Variants in MYO3B observed in about 807,000 individuals in gnomAD.
MYO3B encodes myosin-IIIb.
A neutral mutation model predicts 174.6 loss-of-function variants in MYO3B; 156 were observed. That is an observed-to-expected ratio of 0.89 (90% CI 0.78 to 1.02). MYO3B has a LOEUF of 1.02. Ranked by LOEUF, MYO3B falls within the 50% of genes least tolerant of loss-of-function variation. The probability of loss-of-function intolerance (pLI) is 0.00; values close to 1 mark genes in which losing one functional copy is unlikely to be tolerated. For synonymous variants in MYO3B, 563 were observed against 569.1 expected, an observed-to-expected ratio of 0.99 and a Z score of 0.15; for missense variants, 1,632 against 1,639.4, an observed-to-expected ratio of 1.00 and a Z score of 0.08.
intron 24 of MYO3B, among the ~76,000 whole-genome samples, chr2:170,465,229 C>T (rs1561391): frequency 0.85 from 129,875 of 152,002 alleles, 57,771 homozygotes; most frequent in Non-Finnish European, 0.99. Context: ...CTGCAGGCTC[C>T]ACAAGCCTGG....
intron 8 of MYO3B, among the ~76,000 whole-genome samples, chr2:170,356,798 G>A (rs2094125007): frequency 6.6e-6 from 1 of 151,674 alleles, no homozygotes; most frequent in African/African-American, 2.4e-5. Context: ...AATGTTTTAA[G>A]ACAAGGTCTC....
intron 32 of MYO3B, among the ~76,000 whole-genome samples, chr2:170,583,534 TCCA>T (rs1693296774): frequency 6.6e-6 from 1 of 152,196 alleles, no homozygotes; most frequent in African/African-American, 2.4e-5. Context: ...CTCTTAGGGC[TCCA>T]CTTCTATAAT....
chr2:170,405,658 G>C (rs776972607), intron 21 of MYO3B, 25 bp downstream of exon 21: 1 of 1,607,340 alleles, frequency 6.2e-7, no homozygotes, highest in Admixed American at 1.7e-5. Flanking sequence ...ACAGTTATTA[G>C]ACCTGAATTT....
chr2:170,416,119 G>A (rs2105840502), intron 22 of MYO3B, among the ~76,000 whole-genome samples: 1 of 152,274 alleles, frequency 6.6e-6, no homozygotes, highest in African/African-American at 2.4e-5. Context: ...AACACCCTGT[G>A]AAGATGAAAG....
At chr2:170,439,140 A>G (rs2094780011) in intron 22 of MYO3B, among the ~76,000 whole-genome samples, 2 of 148,824 alleles carry the variant, frequency 1.3e-5, no homozygotes, top group Admixed American at 1.3e-4. Flanking sequence ...TGGGAGGCTG[A>G]GGCAGGCGGA....
chr2:170,437,895 A>G (rs952129591), intron 22 of MYO3B, among the ~76,000 whole-genome samples: 37 of 152,246 alleles, frequency 2.4e-4, no homozygotes, highest in African/African-American at 8.4e-4. Flanking sequence ...CATCTTTTTC[A>G]ATGATTAGCA....
In MYO3B at chr2:170,236,018, T is replaced by C. The variant is rs764058317; in HGVS notation, c.631T>C (p.Ser211Pro). ...CATTGCCTGTGAGCAGCAGTATGAC[T>C]CTTCCTATGACGCTCGCTGTGACGT... is the stretch of plus-strand genomic sequence containing the variant. ...EVIACEQQYD[S>P]SYDARCDVWS... is the part of the protein sequence containing the mutation. Residue 211 changes from serine to proline, a missense_variant, in exon 7 of 35, where the codon TCT becomes CCT. Physicochemically the swap from Ser to Pro is moderately conservative, Grantham distance 74 (BLOSUM62 -1). Transcript: ENST00000408978. The C allele has an allele frequency of 4.2e-5, 67 of 1,614,018 alleles. No homozygotes were observed. Among genetic ancestry groups the C allele is most frequent in the Non-Finnish European group, 5.4e-5 (64 of 1,180,034 alleles).
At chr2:170,292,278 T>C (rs187318345) in intron 7 of MYO3B, among the ~76,000 whole-genome samples, 2 of 152,346 alleles carry the variant, frequency 1.3e-5, no homozygotes, top group East Asian at 3.9e-4. Flanking sequence ...TTTCTAAAAT[T>C]ATTTTAATAT....
At chr2:170,445,403 G>A (rs1021117911) in intron 23 of MYO3B, among the ~76,000 whole-genome samples, 9 of 151,420 alleles carry the variant, frequency 5.9e-5, no homozygotes, top group Non-Finnish European at 8.8e-5. Context: ...GTGCAATGGC[G>A]TGATCTTGGC....
chr2:170,269,022 C>T (rs146894509), intron 7 of MYO3B, among the ~76,000 whole-genome samples: 18 of 152,264 alleles, frequency 1.2e-4, no homozygotes, highest in Admixed American at 2.6e-4. Flanking sequence ...CTGAATCCAG[C>T]TCATTGTAGG....
intron 32 of MYO3B, among the ~76,000 whole-genome samples, chr2:170,598,767 G>A (rs1422448135): frequency 1.3e-5 from 2 of 152,116 alleles, no homozygotes; most frequent in Non-Finnish European, 2.9e-5. Context: ...AAGGGGTCCT[G>A]GGCTTCAGTT....
At chr2:170,538,823 T>C (rs1218748476) in intron 30 of MYO3B, among the ~76,000 whole-genome samples, 1 of 152,202 alleles carries the variant, frequency 6.6e-6, no homozygotes, top group Non-Finnish European at 1.5e-5. Context: ...TAGAAATATG[T>C]GATGAATTAT....
At chr2:170,362,315 T>C (rs1315410275) in intron 8 of MYO3B, among the ~76,000 whole-genome samples, 1 of 152,216 alleles carries the variant, frequency 6.6e-6, no homozygotes, top group African/African-American at 2.4e-5. Context: ...GGAAATGCAA[T>C]GTTCTTCCCT....
At chr2:170,303,034 A>G (rs920937160) in intron 7 of MYO3B, among the ~76,000 whole-genome samples, 3 of 152,196 alleles carry the variant, frequency 2.0e-5, no homozygotes, top group African/African-American at 7.2e-5. Flanking sequence ...CACATACCAT[A>G]TATAATGTTT....
intron 32 of MYO3B, among the ~76,000 whole-genome samples, chr2:170,576,454 A>C (rs759110823): frequency 2.0e-5 from 3 of 152,200 alleles, no homozygotes; most frequent in Admixed American, 6.5e-5. Flanking sequence ...AGCAAACCGG[A>C]AGAAGCAAGT....
intron 32 of MYO3B, among the ~76,000 whole-genome samples, chr2:170,615,950 AAGTAC>A (rs1429007824): frequency 6.6e-6 from 1 of 151,478 alleles, no homozygotes; most frequent in Non-Finnish European, 1.5e-5. Flanking sequence ...TTGTATGTAG[AAGTAC>A]AGTACATTTG....
intron 25 of MYO3B, among the ~76,000 whole-genome samples, chr2:170,467,834 TC>T: frequency 7.7e-6 from 1 of 130,476 alleles, no homozygotes; most frequent in East Asian, 2.1e-4. Flanking sequence ...AAAAAAAAGT[TC>T]CTTGCAATGA....
At chr2:170,342,477 G>A (rs550549056) in intron 8 of MYO3B, 1 of 152,304 alleles carries the variant, frequency 6.6e-6, no homozygotes, top group South Asian at 2.1e-4. Context: ...GGCAGCTGTG[G>A]AAGAGCTGTG....
chr2:170,236,808 G>A (rs543329710), intron 7 of MYO3B, among the ~76,000 whole-genome samples: 1 of 152,344 alleles, frequency 6.6e-6, no homozygotes, highest in East Asian at 1.9e-4. Flanking sequence ...CCAGGGTGCA[G>A]ATTGAGAGAT....
Sources: gnomAD v4.1 joint callset for allele counts (sites outside exome capture counted in the v4.1 genomes callset) on GRCh38, gnomAD v4.1.1 for gene constraint, MANE v1.5 for transcripts, NCBI Gene and HGNC (gene_info 2026-07-23, HGNC 2026-07-21) for gene names.